The following DENND5B variants were observed in gnomAD, a reference collection of about 807,000 sequenced individuals.
The protein encoded by DENND5B is DENN domain-containing protein 5B.
Under a neutral mutation model 140.6 loss-of-function variants are expected in DENND5B, and 34 were observed. That is an observed-to-expected ratio of 0.24 (90% CI 0.18 to 0.32). The LOEUF is 0.32. Among genes scored for constraint, DENND5B ranks in the 10% least tolerant of loss-of-function variants. The pLI, the probability that DENND5B is intolerant of heterozygous loss-of-function variation, is 1.00. For synonymous variants in DENND5B, 551 were observed against 562.1 expected, an observed-to-expected ratio of 0.98 and a Z score of 0.28; for missense variants, 1,142 against 1,560.2, an observed-to-expected ratio of 0.73 and a Z score of 4.52.
rs911620101 is a variant in DENND5B at position 31,460,188 on chromosome 12, T to G, written c.1092+6A>C. On this transcript the variant is annotated splice_donor_region_variant and intron_variant, in intron 4 of 20. Coordinates refer to ENST00000389082, the MANE Select transcript of DENND5B (RefSeq NM_144973.4). Reference sequence around the variant, plus strand: ...GCAAATGCTTCATCATTCATTGTAGTTTTACCTCTTGAGGAAGTTCTAGTT... The same window carrying G: ...GCAAATGCTTCATCATTCATTGTAGGTTTACCTCTTGAGGAAGTTCTAGTT... The G allele has an allele frequency of 6.2e-7, 1 of 1,606,786 alleles. No individual in the cohort carries two copies. The highest frequency in any genetic ancestry group is 8.5e-7 in the Non-Finnish European group (1 of 1,175,516).
chr12:31,493,874 GGC>G (rs1374222883), intron 2 of DENND5B, among the ~76,000 whole-genome samples: 1 of 151,940 alleles, frequency 6.6e-6, no homozygotes, highest in East Asian at 1.9e-4. Flanking sequence ...AAATAGCAAT[GGC>G]TATCACTGTG....
chr12:31,554,291 TGTAAA>T (rs1165097828), intron 1 of DENND5B, among the ~76,000 whole-genome samples: 1 of 152,236 alleles, frequency 6.6e-6, no homozygotes. Context: ...TTTACTTGTC[TGTAAA>T]GTATTTTATT....
At chr12:31,508,150 C>T (rs1283459896) in intron 1 of DENND5B, among the ~76,000 whole-genome samples, 1 of 152,134 alleles carries the variant, frequency 6.6e-6, no homozygotes, top group African/African-American at 2.4e-5. Flanking sequence ...TGACAAGTAA[C>T]ACTATGGAGC....
intron 3 of DENND5B, among the ~76,000 whole-genome samples, chr12:31,463,282 C>CA (rs1241774218): frequency 9.3e-6 from 1 of 107,832 alleles, no homozygotes; most frequent in African/African-American, 3.6e-5. Context: ...AACAAACAAA[C>CA]AAAAAACCCA....
chr12:31,427,605 CAA>C (rs71062431), intron 8 of DENND5B, among the ~76,000 whole-genome samples: 65 of 140,086 alleles, frequency 4.6e-4, no homozygotes, highest in African/African-American at 8.4e-4. Flanking sequence ...GACTCCATCT[CAA>C]AAAAAAAAAA....
At chr12:31,571,421 G>A (rs1476802669) in intron 1 of DENND5B, among the ~76,000 whole-genome samples, 1 of 151,916 alleles carries the variant, frequency 6.6e-6, no homozygotes, top group Non-Finnish European at 1.5e-5. Flanking sequence ...TTAAGCAACT[G>A]AGTGAGATTC....
chr12:31,383,982 ATTTT>A lies in DENND5B; in HGVS notation c.*3617_*3620del, dbSNP rs1484354046. ...CAGGAAAAAAACAAATTAAATATTG[ATTTT>A]TTTATTTACTTTGAGATGTAATCCT... On this transcript the variant is annotated 3_prime_UTR_variant, in exon 21 of 21. Coordinates refer to ENST00000389082, the MANE Select transcript of DENND5B (RefSeq NM_144973.4). 1.3e-5 allele frequency: 2 copies of A among 152,164 alleles called. No homozygotes were observed. The highest frequency in any genetic ancestry group is 2.9e-5 in the Non-Finnish European group (2 of 68,022). 9.4% of individuals were successfully genotyped at this position (152,164 alleles called of 1,614,324 possible).
intron 1 of DENND5B, among the ~76,000 whole-genome samples, chr12:31,571,503 A>C (rs988241308): frequency 2.0e-5 from 3 of 151,838 alleles, no homozygotes; most frequent in Non-Finnish European, 4.4e-5. Context: ...AAAAAAAAAA[A>C]GTTGCAAGAA....
At chr12:31,521,933 A>ATTACAAG in intron 1 of DENND5B, among the ~76,000 whole-genome samples, 1 of 152,328 alleles carries the variant, frequency 6.6e-6, no homozygotes, top group Non-Finnish European at 1.5e-5. Context: ...GCTCTTTATG[A>ATTACAAG]CTGGATAAAA....
chr12:31,447,224 T>C (rs1289731507), intron 6 of DENND5B, among the ~76,000 whole-genome samples: 3 of 152,094 alleles, frequency 2.0e-5, no homozygotes, highest in Non-Finnish European at 4.4e-5. Flanking sequence ...TGAGTCAAGA[T>C]TGCGCCACTG....
intron 13 of DENND5B, among the ~76,000 whole-genome samples, chr12:31,413,119 G>A (rs1287944105): frequency 1.3e-5 from 2 of 152,126 alleles, no homozygotes; most frequent in African/African-American, 4.8e-5. Context: ...GTTTCACCAT[G>A]TTACCCAGGC....
At chr12:31,580,635 C>T (rs1432381339) in intron 1 of DENND5B, among the ~76,000 whole-genome samples, 1 of 152,138 alleles carries the variant, frequency 6.6e-6, no homozygotes, top group Admixed American at 6.5e-5. Context: ...GCTGGGATTA[C>T]AGGCAAACAC....
intron 1 of DENND5B, among the ~76,000 whole-genome samples, chr12:31,554,797 C>T (rs1448899408): frequency 2.0e-5 from 3 of 152,102 alleles, no homozygotes; most frequent in South Asian, 2.1e-4. Context: ...TCTCGCTTCA[C>T]TTCATTCATT....
At chr12:31,544,875 A>C (rs1054077643) in intron 1 of DENND5B, among the ~76,000 whole-genome samples, 10 of 152,230 alleles carry the variant, frequency 6.6e-5, no homozygotes, top group Admixed American at 2.0e-4. Flanking sequence ...ACTTTAGAGG[A>C]AAGTTCTTAA....
At chr12:31,584,996 C>T (rs1329256531) in intron 1 of DENND5B, among the ~76,000 whole-genome samples, 5 of 152,086 alleles carry the variant, frequency 3.3e-5, no homozygotes, top group East Asian at 1.9e-4. Flanking sequence ...GAGAGAGGAA[C>T]GAAGAGGGTA....
intron 2 of DENND5B, among the ~76,000 whole-genome samples, chr12:31,495,608 T>G (rs1482329718): frequency 6.6e-6 from 1 of 152,064 alleles, no homozygotes; most frequent in Non-Finnish European, 1.5e-5. Context: ...TAAACTGACC[T>G]CAGGTGATCC....
At chr12:31,497,303 T>C (rs977826096) in intron 1 of DENND5B, among the ~76,000 whole-genome samples, 1 of 152,260 alleles carries the variant, frequency 6.6e-6, no homozygotes, top group Non-Finnish European at 1.5e-5. Context: ...TTATTTTCTT[T>C]AGATTCCTCT....
At chr12:31,523,086 C>A (rs969705151) in intron 1 of DENND5B, among the ~76,000 whole-genome samples, 2 of 149,310 alleles carry the variant, frequency 1.3e-5, no homozygotes, top group South Asian at 4.2e-4. Context: ...AAAGAAAAAG[C>A]CTCATTCTGT....
At chr12:31,574,230 T>TC (rs1949923112) in intron 1 of DENND5B, among the ~76,000 whole-genome samples, 2 of 149,284 alleles carry the variant, frequency 1.3e-5, no homozygotes. Flanking sequence ...GCCACTGCAC[T>TC]CCAGCATGGG....
Sources: gnomAD v4.1 joint callset for allele counts (sites outside exome capture counted in the v4.1 genomes callset) on GRCh38, gnomAD v4.1.1 for gene constraint, MANE v1.5 for transcripts, NCBI Gene and HGNC (gene_info 2026-07-23, HGNC 2026-07-21) for gene names.